ADGRL4: variants seen among roughly 807,000 people sequenced by gnomAD.
The protein encoded by ADGRL4 is adhesion G protein-coupled receptor L4.
Under a neutral mutation model 74.8 loss-of-function variants are expected in ADGRL4, and 90 were observed. The ratio of observed to expected loss-of-function variants is 1.20; its 90% confidence interval spans 1.02 to 1.43. The LOEUF (loss-of-function observed/expected upper bound fraction) is 1.43. ADGRL4 is among the 40% of genes most tolerant of loss of function. ADGRL4 has a pLI of 0.00. For missense variants in ADGRL4, 881 were observed against 814.3 expected (o/e 1.08, Z -1.00); for synonymous variants, 311 against 279.2 (o/e 1.11, Z -1.14).
chr1:79,005,414 G>C (rs1213214688), intron 1 of ADGRL4, among the ~76,000 whole-genome samples, 195 bp from the exon 2 acceptor site: 3 of 152,036 alleles, frequency 2.0e-5, no homozygotes, highest in Admixed American at 6.6e-5. Flanking sequence ...TAAGATGAAG[G>C]CTTTTTTTGT....
intron 2 of ADGRL4, among the ~76,000 whole-genome samples, chr1:78,956,464 A>T (rs984034188): frequency 6.6e-6 from 1 of 152,196 alleles, no homozygotes; most frequent in Non-Finnish European, 1.5e-5. Context: ...TCATCTTGCC[A>T]TCATACTGAT....
rs1337265043 is a variant in ADGRL4, at chr1:78,891,217, C to T, written c.2011-1G>A. ...ACAATCTGTAATATTCTTCTTGAAT[C>T]TAAAAATTAAAAAAAGGAAAGGAAG... On this transcript the variant is annotated splice_acceptor_variant, in intron 14 of 14. Transcript: ENST00000370742. LOFTEE classifies it high-confidence loss of function. 1.3e-6 allele frequency: 2 copies of T among 1,594,492 alleles called. No individual in the cohort carries two copies. The highest frequency in any genetic ancestry group is 1.7e-6 in the Non-Finnish European group (2 of 1,170,314).
chr1:78,964,710 C>G (rs1337027841), intron 2 of ADGRL4, among the ~76,000 whole-genome samples: 1 of 152,066 alleles, frequency 6.6e-6, no homozygotes, highest in Non-Finnish European at 1.5e-5. Flanking sequence ...TCTACATGTC[C>G]TTATACTCCT....
At chr1:78,975,680 T>C (rs1453328140) in intron 2 of ADGRL4, among the ~76,000 whole-genome samples, 1 of 151,920 alleles carries the variant, frequency 6.6e-6, no homozygotes, top group Non-Finnish European at 1.5e-5. Context: ...TAGTATGCAT[T>C]TGTCAAAAAC....
chr1:78,947,358 A>G (rs762516220), intron 2 of ADGRL4, among the ~76,000 whole-genome samples: 1 of 152,202 alleles, frequency 6.6e-6, no homozygotes, highest in Admixed American at 6.5e-5. Context: ...ATATAGAGAC[A>G]CAGAAGAGAA....
chr1:78,939,124 T>C (rs935515222), intron 4 of ADGRL4, 64 bp downstream of exon 4: 18 of 1,461,346 alleles, frequency 1.2e-5, no homozygotes, highest in Non-Finnish European at 1.5e-5. Flanking sequence ...ATGTGTGACA[T>C]TGAAAGCATT....
intron 2 of ADGRL4, among the ~76,000 whole-genome samples, chr1:78,948,563 A>G (rs915856142): frequency 1.8e-4 from 27 of 152,268 alleles, no homozygotes; most frequent in Non-Finnish European, 3.5e-4. Flanking sequence ...AAAGTAAGAT[A>G]AGTTATGAAT....
At position 78,998,684 on chromosome 1, in the gene ADGRL4, C is replaced by CAT. The variant is rs568619610; in HGVS notation, c.172+6384_172+6385dup. 2.2e-3 allele frequency among the ~76,000 whole-genome samples: 340 copies of CAT among 151,902 alleles called. 1 individual carries two copies. Among genetic ancestry groups the CAT allele is most frequent in the African/African-American group, 6.0e-3 (250 of 41,454 alleles). On this transcript the variant is annotated intron_variant, in intron 2 of 14. Coordinates refer to ENST00000370742, the MANE Select transcript of ADGRL4 (RefSeq NM_022159.4). ...CCCAGCCAGTTTCTTAAAATATCTT[C>CAT]ATATATATATATGATTGTTTTGATA... is the stretch of plus-strand genomic sequence containing the variant.
intron 2 of ADGRL4, among the ~76,000 whole-genome samples, chr1:78,978,486 G>C (rs886296117): frequency 6.6e-6 from 1 of 151,912 alleles, no homozygotes; most frequent in African/African-American, 2.4e-5. Context: ...CAATGTTTCA[G>C]TTCTTCTCGT....
rs185289910 is a variant in ADGRL4, at chr1:78,932,048, G to T, written c.877+4247C>A. Among the ~76,000 whole-genome samples, 150 of 151,478 alleles carry T rather than the reference G, an allele frequency of 9.9e-4. 7 individuals carry two copies. The highest frequency in any genetic ancestry group is 3.6e-3 in the African/African-American group (145 of 40,810). On this transcript the variant is annotated intron_variant, in intron 7 of 14. Coordinates refer to ENST00000370742, the MANE Select transcript of ADGRL4 (RefSeq NM_022159.4). ...GACAGAAAATAAACAAGGATAATCAGGACTAGAACTCAGTTCCGGATGAAG... is the reference window on the plus strand; with the variant it reads ...GACAGAAAATAAACAAGGATAATCATGACTAGAACTCAGTTCCGGATGAAG...
At position 78,937,933 on chromosome 1, in the gene ADGRL4, TG is replaced by T; in HGVS notation, c.633del (p.Asp211GlufsTer5). The T allele has an allele frequency of 6.2e-7, 1 of 1,613,960 alleles. No homozygotes were observed. Among genetic ancestry groups the T allele is most frequent in the South Asian group, 1.1e-5 (1 of 91,044 alleles). ...GTTCTCCTATGATTCACAGATAACT[TG>T]TCCCAAACTACAAATGTATCCCTTT... ...FVQRDTFVVWDKLSVNHRRTH... is the reference protein window; with the variant it reads ...FVQRDTFVVWXKLSVNHRRTH... On this transcript the variant is annotated frameshift_variant, in exon 6 of 15. Coordinates refer to ENST00000370742, the MANE Select transcript of ADGRL4 (RefSeq NM_022159.4). LOFTEE classifies it high-confidence loss of function.
intron 2 of ADGRL4, among the ~76,000 whole-genome samples, chr1:78,984,316 T>C (rs1340787536): frequency 6.6e-6 from 1 of 151,806 alleles, no homozygotes; most frequent in Non-Finnish European, 1.5e-5. Context: ...AGTTATTATA[T>C]TTTTAGGTAT....
chr1:78,969,903 G>C (rs1650136592), intron 2 of ADGRL4, among the ~76,000 whole-genome samples: 1 of 152,030 alleles, frequency 6.6e-6, no homozygotes, highest in East Asian at 1.9e-4. Flanking sequence ...TAAAAATCTG[G>C]ATCAATACTC....
intron 3 of ADGRL4, among the ~76,000 whole-genome samples, chr1:78,939,474 T>C (rs1479462689): frequency 6.6e-6 from 1 of 152,118 alleles, no homozygotes; most frequent in Non-Finnish European, 1.5e-5. Flanking sequence ...CATAAAATAT[T>C]ATCTACAATT....
At chr1:78,911,952 C>T (rs1648771224) in intron 12 of ADGRL4, among the ~76,000 whole-genome samples, 1 of 151,764 alleles carries the variant, frequency 6.6e-6, no homozygotes, top group Admixed American at 6.6e-5. Flanking sequence ...TCATTTATTA[C>T]CATCGATATT....
intron 12 of ADGRL4, among the ~76,000 whole-genome samples, chr1:78,906,684 A>G (rs1338094394): frequency 6.6e-6 from 1 of 152,062 alleles, no homozygotes; most frequent in Admixed American, 6.6e-5. Flanking sequence ...AGAAAACAAG[A>G]ACAGAGGTTA....
At chr1:78,932,863 G>A (rs1477357620) in intron 7 of ADGRL4, among the ~76,000 whole-genome samples, 1 of 151,274 alleles carries the variant, frequency 6.6e-6, no homozygotes, top group African/African-American at 2.5e-5. Flanking sequence ...AATTTCCCAA[G>A]ACTAAACCAA....
chr1:78,914,371 C>T (rs972290601), intron 12 of ADGRL4, among the ~76,000 whole-genome samples: 1 of 151,740 alleles, frequency 6.6e-6, no homozygotes, highest in Admixed American at 6.6e-5. Context: ...CTTATATTTT[C>T]TTTGTCTTTC....
chr1:78,968,825 C>G (rs1313463709), intron 2 of ADGRL4, among the ~76,000 whole-genome samples: 4 of 152,140 alleles, frequency 2.6e-5, no homozygotes, highest in African/African-American at 9.7e-5. Flanking sequence ...TGGTTTTAAT[C>G]CTTTTCAAAA....
Sources: allele counts gnomAD v4.1 joint callset (sites outside exome capture counted in the v4.1 genomes callset), GRCh38; gene constraint gnomAD v4.1.1; transcripts MANE v1.5; gene names NCBI Gene and HGNC (gene_info 2026-07-23, HGNC 2026-07-21).